Variants in FAM135B observed in about 807,000 individuals in gnomAD.
FAM135B encodes the protein family with sequence similarity 135 member B.
FAM135B carries 43 observed loss-of-function variants against 127.7 expected under a neutral mutation model. That is an observed-to-expected ratio of 0.34 (90% confidence interval 0.26 to 0.43). The LOEUF (loss-of-function observed/expected upper bound fraction) is 0.43. FAM135B is among the 20% of genes least tolerant of loss of function. The probability of loss-of-function intolerance (pLI) is 1.00; values close to 1 mark genes in which losing one functional copy is unlikely to be tolerated. For synonymous variants in FAM135B, 670 were observed against 665.1 expected (o/e 1.01, Z -0.11); for missense variants, 1,558 against 1,725.6 (o/e 0.90, Z 1.72).
At chr8:138,164,295 C>T (rs1563715356) in intron 12 of FAM135B, among the ~76,000 whole-genome samples, 1 of 152,026 alleles carries the variant, frequency 6.6e-6, no homozygotes, top group Admixed American at 6.6e-5. Context: ...GTCAGAGGTC[C>T]ATGGAGAGAA....
intron 7 of FAM135B, among the ~76,000 whole-genome samples, chr8:138,236,851 G>T (rs779195514): frequency 2.0e-5 from 3 of 152,176 alleles, no homozygotes; most frequent in Non-Finnish European, 4.4e-5. Context: ...TCCATTAAGG[G>T]TTGGCACTGA....
rs2130767916 is a variant in FAM135B at position 138,152,396 on chromosome 8, G to T, written c.2079C>A (p.Ser693Arg). 1 of 1,614,194 alleles carries T rather than the reference G, an allele frequency of 6.2e-7. No homozygotes were observed. Among genetic ancestry groups the T allele is most frequent in the Non-Finnish European group, 8.5e-7 (1 of 1,180,034 alleles). ...TTCGGGCCTCTGACCAGGCGACGGA[G>T]CTTGGCTCACTCTCAATGCCTGAAT... ...ISDSGIESEP[S>R]SVAWSEARSR... The change falls in exon 13 of 20, where the codon AGC (serine) becomes AGA (arginine). Residue 693 changes from serine (S) to arginine (R), a missense_variant. By Grantham distance (110) the Ser-to-Arg change is moderately radical (BLOSUM62 -1). Coordinates refer to ENST00000395297, the MANE Select transcript of FAM135B (RefSeq NM_015912.4).
At chr8:138,257,356 G>T (rs1157118410) in intron 4 of FAM135B, among the ~76,000 whole-genome samples, 1 of 151,988 alleles carries the variant, frequency 6.6e-6, no homozygotes, top group African/African-American at 2.4e-5. Context: ...GTCACTTTAA[G>T]ACACTGGCAT....
intron 1 of FAM135B, among the ~76,000 whole-genome samples, chr8:138,491,771 G>C (rs1815209838): frequency 6.6e-6 from 1 of 152,234 alleles, no homozygotes; most frequent in Non-Finnish European, 1.5e-5. Context: ...GAAGTAGGTG[G>C]TAAGGGTGGG....
chr8:138,235,633 G>A (rs1169953118), intron 7 of FAM135B, among the ~76,000 whole-genome samples: 2 of 152,112 alleles, frequency 1.3e-5, no homozygotes, highest in Non-Finnish European at 2.9e-5. Flanking sequence ...TGCCTGAGAG[G>A]CAGCTCTGTG....
chr8:138,274,457 C>T (rs142203778), intron 3 of FAM135B, among the ~76,000 whole-genome samples: 2,063 of 152,190 alleles, frequency 0.014, 41 homozygotes, highest in African/African-American at 0.047. Context: ...GGAGGCAGGG[C>T]GAGATCACAG....
intron 8 of FAM135B, among the ~76,000 whole-genome samples, chr8:138,195,999 T>A (rs1192338673): frequency 3.9e-5 from 6 of 152,164 alleles, no homozygotes; most frequent in Non-Finnish European, 7.3e-5. Context: ...GATGACCTAA[T>A]TAGTAGACAC....
chr8:138,488,912 G>A (rs1013799861), intron 1 of FAM135B, among the ~76,000 whole-genome samples: 8 of 152,290 alleles, frequency 5.3e-5, no homozygotes, highest in Admixed American at 2.6e-4. Flanking sequence ...TGATCCGCCC[G>A]CCTCAGCCTC....
At position 138,262,089 on chromosome 8, in the gene FAM135B, G is replaced by T. The variant is rs140370532; in HGVS notation, c.297+3614C>A. The stretch of plus-strand genomic sequence containing the variant: ...ATAATTTATTAGCTTACAGAGAAAA[G>T]AAATTTGATAGGAAGAAGAAAACAA... On this transcript the variant is annotated intron_variant, in intron 4 of 19. Transcript: ENST00000395297. Among the ~76,000 whole-genome samples, 18 of 152,268 alleles carry T rather than the reference G, an allele frequency of 1.2e-4. No individual in the cohort carries two copies. The East Asian group carries it at 3.3e-3, about 28-fold the overall frequency.
At chr8:138,338,595 A>G (rs1263175484) in intron 2 of FAM135B, among the ~76,000 whole-genome samples, 6 of 151,186 alleles carry the variant, frequency 4.0e-5, no homozygotes, top group African/African-American at 1.2e-4. Flanking sequence ...GCGATCATTA[A>G]AAAGTCAGGA....
intron 12 of FAM135B, among the ~76,000 whole-genome samples, chr8:138,154,937 AC>A (rs561939887): frequency 2.6e-4 from 39 of 152,348 alleles, no homozygotes; most frequent in Non-Finnish European, 5.4e-4. Context: ...TTCAGGAAAT[AC>A]AGAGAACTCC....
intron 2 of FAM135B, among the ~76,000 whole-genome samples, chr8:138,346,533 T>G (rs1829421938): frequency 6.6e-6 from 1 of 152,210 alleles, no homozygotes; most frequent in Non-Finnish European, 1.5e-5. Context: ...TGGATGGAGC[T>G]GGAAGCTGTT....
chr8:138,424,491 CTACTTTA>C (rs1834725482), intron 1 of FAM135B, among the ~76,000 whole-genome samples: 1 of 152,140 alleles, frequency 6.6e-6, no homozygotes, highest in African/African-American at 2.4e-5. Context: ...AAATGGGTAT[CTACTTTA>C]AAATTTACCC....
chr8:138,366,711 G>C (rs16908952), intron 2 of FAM135B, among the ~76,000 whole-genome samples: 1,908 of 152,160 alleles, frequency 0.013, 32 homozygotes, highest in African/African-American at 0.044. Context: ...TTAAACTCAG[G>C]GTTGTCTTTT....
intron 7 of FAM135B, among the ~76,000 whole-genome samples, chr8:138,205,477 C>G (rs1235708940): frequency 6.6e-6 from 1 of 152,174 alleles, no homozygotes; most frequent in Non-Finnish European, 1.5e-5. Context: ...AAAAAGGAAA[C>G]CAGCTTCATC....
At chr8:138,218,850 A>T (rs1481063465) in intron 7 of FAM135B, among the ~76,000 whole-genome samples, 4 of 152,084 alleles carry the variant, frequency 2.6e-5, no homozygotes, top group Non-Finnish European at 5.9e-5. Context: ...ATGTTGTCCC[A>T]TCAGACAAGG....
chr8:138,440,374 G>A (rs906884986), intron 1 of FAM135B: 1 of 151,740 alleles, frequency 6.6e-6, no homozygotes, highest in Non-Finnish European at 1.5e-5. Context: ...TATTAGGAGG[G>A]AGAAATGGGT....
At chr8:138,160,390 T>TATTC (rs1377086948) in intron 12 of FAM135B, among the ~76,000 whole-genome samples, 1 of 151,642 alleles carries the variant, frequency 6.6e-6, no homozygotes, top group Non-Finnish European at 1.5e-5. Flanking sequence ...TTTATTTATT[T>TATTC]ATTTATTTTT....
chr8:138,212,705 T>C (rs1450308416), intron 7 of FAM135B, among the ~76,000 whole-genome samples: 1 of 152,238 alleles, frequency 6.6e-6, no homozygotes, highest in Non-Finnish European at 1.5e-5. Flanking sequence ...TTTCATTTTC[T>C]AGCATTTTAC....
Sources: gnomAD v4.1 joint callset for allele counts (sites outside exome capture counted in the v4.1 genomes callset) on GRCh38, gnomAD v4.1.1 for gene constraint, MANE v1.5 for transcripts, NCBI Gene and HGNC (gene_info 2026-07-23, HGNC 2026-07-21) for gene names.